Variants in CDKL3 observed in about 807,000 individuals in gnomAD.
The protein encoded by CDKL3 is cyclin-dependent kinase-like 3.
Under a neutral mutation model 69.3 loss-of-function variants are expected in CDKL3, and 65 were observed. The observed-to-expected ratio is 0.94, with a 90% CI of 0.77 to 1.15. CDKL3 has a LOEUF of 1.15. Ranked by LOEUF, CDKL3 falls within the 50% of genes most tolerant of loss-of-function variation. The pLI, the probability that CDKL3 is intolerant of heterozygous loss-of-function variation, is 0.00. For missense variants in CDKL3, 652 were observed against 689.2 expected (o/e 0.95, Z 0.61); for synonymous variants, 202 against 221.6 (o/e 0.91, Z 0.79).
In CDKL3 at chr5:134,355,780, G is replaced by A. The variant is rs558713483; in HGVS notation, c.360+4117C>T. ...TTTCTCATTCTGCGGTATTTCCTAAGCACAGGCCTTAAGAATTAAAGCTAA... is the reference window on the plus strand; with the variant it reads ...TTTCTCATTCTGCGGTATTTCCTAAACACAGGCCTTAAGAATTAAAGCTAA... On this transcript the variant is annotated intron_variant, in intron 3 of 12. Transcript: ENST00000265334. Among the ~76,000 whole-genome samples, 3 of 152,242 alleles carry A rather than the reference G, an allele frequency of 2.0e-5. No homozygotes were observed. In the East Asian group the frequency reaches 5.8e-4, roughly 29 times the overall value.
chr5:134,310,895 C>T (rs1769278241), intron 7 of CDKL3, among the ~76,000 whole-genome samples: 1 of 152,230 alleles, frequency 6.6e-6, no homozygotes, highest in African/African-American at 2.4e-5. Flanking sequence ...TCTATTTAGT[C>T]TATCTCCAAT....
At chr5:134,364,069 CAAG>C (rs1756757843) in intron 2 of CDKL3, among the ~76,000 whole-genome samples, 1 of 149,974 alleles carries the variant, frequency 6.7e-6, no homozygotes, top group Non-Finnish European at 1.5e-5. Flanking sequence ...ATAAAGCAAA[CAAG>C]AACATCTGCT....
chr5:134,347,013 G>C (rs1350803880), intron 4 of CDKL3, among the ~76,000 whole-genome samples: 1 of 151,784 alleles, frequency 6.6e-6, no homozygotes, highest in Non-Finnish European at 1.5e-5. Flanking sequence ...CCAAATAAGG[G>C]GAAATGTCCA....
rs751998819 is a variant in CDKL3, at chr5:134,298,623, T to G, written c.*28A>C. The G allele has an allele frequency of 1.2e-6, 2 of 1,600,904 alleles. No individual in the cohort carries two copies. The highest frequency in any genetic ancestry group is 1.4e-5 in the African/African-American group (1 of 73,984). On this transcript the variant is annotated 3_prime_UTR_variant, in exon 13 of 13. Transcript: ENST00000265334. ...AAACGGGAAGAGTTGTCATCTTGTATTTTTTGGACTATGTAAAAGAAAAGA... is the reference window on the plus strand; with the variant it reads ...AAACGGGAAGAGTTGTCATCTTGTAGTTTTTGGACTATGTAAAAGAAAAGA...
intron 4 of CDKL3, among the ~76,000 whole-genome samples, chr5:134,343,937 G>A (rs933672261): frequency 2.8e-4 from 42 of 152,114 alleles, no homozygotes; most frequent in Non-Finnish European, 2.6e-4. Context: ...TGCAATTCCC[G>A]TCTTGATGAA....
chr5:134,287,578 G>A (rs760086619), intron 8 of CDKL3, among the ~76,000 whole-genome samples: 12 of 152,282 alleles, frequency 7.9e-5, no homozygotes, highest in Non-Finnish European at 1.8e-4. Context: ...CCAATTGATT[G>A]CCAATTCAGC....
rs181477284 is a variant in CDKL3 at position 134,291,870 on chromosome 5, T to C, written c.*678-5311A>G. On this transcript the variant is annotated intron_variant and NMD_transcript_variant, in intron 8 of 8. Transcript: ENST00000519312. ...TACCTTAAATAATAATAAAACTGTA[T>C]AAAATATATAAAACAACTGTTTTCA... Among the ~76,000 whole-genome samples, 161 of 152,226 alleles carry C rather than the reference T, an allele frequency of 1.1e-3. 1 individual carries two copies. In the Middle Eastern group the frequency reaches 0.014, roughly 13 times the overall value.
At chr5:134,321,062 G>A (rs1309821147) in intron 5 of CDKL3, among the ~76,000 whole-genome samples, 3 of 136,062 alleles carry the variant, frequency 2.2e-5, no homozygotes, top group Admixed American at 7.7e-5. Flanking sequence ...AGGCTGGAGT[G>A]CAGTGGCGTG....
chr5:134,325,237 G>A (rs1773840552), intron 4 of CDKL3, among the ~76,000 whole-genome samples: 1 of 152,152 alleles, frequency 6.6e-6, no homozygotes, highest in Non-Finnish European at 1.5e-5. Flanking sequence ...TATATAGTAT[G>A]TTCCTATTTC....
intron 4 of CDKL3, among the ~76,000 whole-genome samples, chr5:134,337,493 T>C (rs1251787728): frequency 6.6e-6 from 1 of 152,198 alleles, no homozygotes; most frequent in Non-Finnish European, 1.5e-5. Flanking sequence ...TGGTGTTTTC[T>C]CACCATTTCC....
upstream of CDKL3, among the ~76,000 whole-genome samples, chr5:134,367,774 TCAC>T (rs1757804872): frequency 6.6e-6 from 1 of 152,214 alleles, no homozygotes; most frequent in Non-Finnish European, 1.5e-5. Flanking sequence ...AAAACCTCCC[TCAC>T]CACATGTCAA....
At chr5:134,310,861 C>G (rs770565272) in intron 7 of CDKL3, among the ~76,000 whole-genome samples, 11 of 152,140 alleles carry the variant, frequency 7.2e-5, no homozygotes, top group Non-Finnish European at 1.3e-4. Context: ...TTCTAGTCAC[C>G]CTCAAGGATT....
chr5:134,296,643 G>A (rs535584861), downstream of CDKL3, among the ~76,000 whole-genome samples: 137 of 152,254 alleles, frequency 9.0e-4, no homozygotes, highest in African/African-American at 3.2e-3. Flanking sequence ...GTCTATAGTT[G>A]CTTATCAGGA....
upstream of CDKL3, among the ~76,000 whole-genome samples, chr5:134,368,088 C>T (rs1454567776): frequency 6.6e-6 from 1 of 152,186 alleles, no homozygotes; most frequent in Non-Finnish European, 1.5e-5. Context: ...CTGGTGGGTC[C>T]CACCCAGCAT....
chr5:134,287,598 C>T (rs895210077), intron 8 of CDKL3, among the ~76,000 whole-genome samples: 1 of 152,222 alleles, frequency 6.6e-6, no homozygotes, highest in South Asian at 2.1e-4. Context: ...CTGCCCCTGC[C>T]ACTGCCATTG....
intron 4 of CDKL3, among the ~76,000 whole-genome samples, chr5:134,344,878 A>G (rs1020349266): frequency 6.6e-6 from 1 of 152,060 alleles, no homozygotes; most frequent in Non-Finnish European, 1.5e-5. Context: ...CCTGACCAAC[A>G]TGGTGAATCC....
chr5:134,293,404 G>A (rs1765212889), intron 8 of CDKL3, among the ~76,000 whole-genome samples: 1 of 152,030 alleles, frequency 6.6e-6, no homozygotes, highest in Non-Finnish European at 1.5e-5. Context: ...GTGCTGGGGG[G>A]CAGGAGAATA....
chr5:134,370,432 C>T (rs1303067441), upstream of CDKL3, among the ~76,000 whole-genome samples: 1 of 152,146 alleles, frequency 6.6e-6, no homozygotes. Context: ...GATATATAAC[C>T]CTCACTCATG....
At chr5:134,296,947 CTTTTCTTTTT>C (rs1456719531), downstream of CDKL3, among the ~76,000 whole-genome samples, 1 of 142,550 alleles carries the variant, frequency 7.0e-6, no homozygotes, top group Non-Finnish European at 1.5e-5. Context: ...TTTTTCTTTT[CTTTTCTTTTT>C]TTTTTTTTTT....
Sources: allele counts gnomAD v4.1 joint callset (sites outside exome capture counted in the v4.1 genomes callset), GRCh38; gene constraint gnomAD v4.1.1; transcripts MANE v1.5; gene names NCBI Gene and HGNC (gene_info 2026-07-23, HGNC 2026-07-21).